Variants in EGFLAM observed in about 807,000 individuals in gnomAD.
EGFLAM encodes the protein pikachurin.
A neutral mutation model predicts 113.1 loss-of-function variants in EGFLAM; 79 were observed. That is an observed-to-expected ratio of 0.70 (90% CI 0.58 to 0.84). The LOEUF (loss-of-function observed/expected upper bound fraction) is 0.84, where lower values mean the gene tolerates loss of function less well. EGFLAM is among the 40% of genes least tolerant of loss of function. The pLI is 0.00. For synonymous variants in EGFLAM, 504 were observed against 487.6 expected (o/e 1.03, Z -0.44); for missense variants, 1,265 against 1,291.6 (o/e 0.98, Z 0.32).
At chr5:38,449,361 T>C (rs1355676824) in intron 18 of EGFLAM, among the ~76,000 whole-genome samples, 1 of 152,192 alleles carries the variant, frequency 6.6e-6, no homozygotes, top group Non-Finnish European at 1.5e-5. Flanking sequence ...AGGCAGACAC[T>C]GCTTCACTTC....
At chr5:38,412,103 T>A (rs1741499768) in intron 10 of EGFLAM, among the ~76,000 whole-genome samples, 1 of 152,214 alleles carries the variant, frequency 6.6e-6, no homozygotes, top group African/African-American at 2.4e-5. Flanking sequence ...CCTGGCCTAA[T>A]GTCAACTTTG....
At chr5:38,333,306 G>C (rs889575549) in intron 1 of EGFLAM, among the ~76,000 whole-genome samples, 6 of 152,050 alleles carry the variant, frequency 3.9e-5, no homozygotes, top group Admixed American at 3.9e-4. Flanking sequence ...TATTCCTCTG[G>C]GTGTATATCC....
intron 1 of EGFLAM, among the ~76,000 whole-genome samples, chr5:38,319,990 GCTGT>G (rs1454665988): frequency 2.0e-5 from 3 of 152,244 alleles, no homozygotes; most frequent in East Asian, 1.9e-4. Flanking sequence ...CTCCTAAGAG[GCTGT>G]CTATGTTGAA....
chr5:38,314,290 G>A (rs1738533578), intron 1 of EGFLAM, among the ~76,000 whole-genome samples: 1 of 152,140 alleles, frequency 6.6e-6, no homozygotes, highest in Non-Finnish European at 1.5e-5. Context: ...CATAAATTAA[G>A]TTTTTATACA....
intron 1 of EGFLAM, among the ~76,000 whole-genome samples, chr5:38,318,716 G>C (rs900119960): frequency 2.0e-5 from 3 of 152,010 alleles, no homozygotes; most frequent in African/African-American, 7.3e-5. Flanking sequence ...TATTGGCCAG[G>C]CTGGCTCGAA....
At chr5:38,382,922 C>T (rs1268541468) in intron 6 of EGFLAM, among the ~76,000 whole-genome samples, 1 of 152,190 alleles carries the variant, frequency 6.6e-6, no homozygotes, top group Non-Finnish European at 1.5e-5. Flanking sequence ...AATGTATCTC[C>T]CATCACTGAT....
chr5:38,401,618 A>T (rs1741115977), intron 6 of EGFLAM, among the ~76,000 whole-genome samples: 1 of 152,194 alleles, frequency 6.6e-6, no homozygotes, highest in Non-Finnish European at 1.5e-5. Flanking sequence ...CAAGGGCAGG[A>T]CATAGTTCAG....
chr5:38,463,097 T>C, intron 21 of EGFLAM, 86 bp downstream of exon 21: 2 of 1,321,408 alleles, frequency 1.5e-6, no homozygotes. Context: ...GCTATGTACT[T>C]TGCTGGATCA....
Position 38,258,618 on chromosome 5 carries a change from G to A in EGFLAM, c.-137G>A, listed in dbSNP as rs1757410357. On this transcript the variant is annotated 5_prime_UTR_variant, in exon 1 of 22. Transcript: ENST00000322350. Reference sequence around the variant, plus strand: ...CCTCTTGGAACTACCCGTGTTTCCGGGCCCAGCCCTCGCAGCCCCCCACCT... The same window carrying A: ...CCTCTTGGAACTACCCGTGTTTCCGAGCCCAGCCCTCGCAGCCCCCCACCT... The A allele has an allele frequency of 3.1e-6, 3 of 980,596 alleles. No individual in the cohort carries two copies. Among genetic ancestry groups the A allele is most frequent in the Middle Eastern group, 2.8e-4 (1 of 3,510 alleles). The allele number at this position is 980,596 out of a possible 1,614,324, so 60.7% of individuals were successfully genotyped here.
intron 6 of EGFLAM, among the ~76,000 whole-genome samples, chr5:38,385,965 C>T (rs1168854949): frequency 6.6e-6 from 1 of 152,162 alleles, no homozygotes; most frequent in Non-Finnish European, 1.5e-5. Context: ...GGCTACAAAC[C>T]TGAACAGAAT....
chr5:38,329,785 C>T (rs567488101), intron 1 of EGFLAM, among the ~76,000 whole-genome samples: 17 of 152,182 alleles, frequency 1.1e-4, no homozygotes, highest in Non-Finnish European at 2.4e-4. Flanking sequence ...CTATGGGCCA[C>T]TAAAGTGCTC....
intron 1 of EGFLAM, among the ~76,000 whole-genome samples, chr5:38,292,065 T>G (rs190399160): frequency 1.3e-5 from 2 of 152,328 alleles, no homozygotes; most frequent in Non-Finnish European, 2.9e-5. Flanking sequence ...TTTGAAATGC[T>G]GAGCCCAAGA....
intron 5 of EGFLAM, among the ~76,000 whole-genome samples, chr5:38,361,271 C>G (rs141124981): frequency 1.3e-5 from 2 of 152,250 alleles, no homozygotes; most frequent in Non-Finnish European, 2.9e-5. Context: ...GTGTCACTTC[C>G]TCCAGGAAGC....
chr5:38,374,900 T>A (rs933889715), intron 6 of EGFLAM, among the ~76,000 whole-genome samples: 2 of 152,210 alleles, frequency 1.3e-5, no homozygotes, highest in Admixed American at 1.3e-4. Context: ...TCTGTCATAA[T>A]TTTTGCAAAG....
intron 1 of EGFLAM, among the ~76,000 whole-genome samples, chr5:38,333,087 A>T (rs1335108184): frequency 2.0e-5 from 3 of 152,224 alleles, no homozygotes; most frequent in Non-Finnish European, 2.9e-5. Context: ...TTTGCTCAGG[A>T]TGATATCCTC....
At chr5:38,431,598 A>G (rs1307770383) in intron 15 of EGFLAM, among the ~76,000 whole-genome samples, 1 of 152,214 alleles carries the variant, frequency 6.6e-6, no homozygotes, top group Non-Finnish European at 1.5e-5. Context: ...TATCAGCTAC[A>G]GCAAGTAGTA....
rs767157059 is a variant in EGFLAM at position 38,258,751 on chromosome 5, C to A, written c.-4C>A. 3 of 1,608,192 alleles carry A rather than the reference C, an allele frequency of 1.9e-6. No homozygotes were observed. The highest frequency in any genetic ancestry group is 3.3e-4 in the Middle Eastern group (2 of 6,026). ...GGTGAAACTTTGCAGGCGCCGGCTGCGAAATGGATTTAATCCGAGGCGTCT... is the reference window on the plus strand; with the variant it reads ...GGTGAAACTTTGCAGGCGCCGGCTGAGAAATGGATTTAATCCGAGGCGTCT... On this transcript the variant is annotated 5_prime_UTR_variant, in exon 1 of 22. Coordinates refer to ENST00000322350, the MANE Select transcript of EGFLAM (RefSeq NM_152403.4).
At chr5:38,349,936 G>C (rs2932109) in intron 3 of EGFLAM, among the ~76,000 whole-genome samples, 150,036 of 150,468 alleles carry the variant, frequency 1, 74,804 homozygotes, top group Non-Finnish European at 1. Context: ...GCTCAGGGCC[G>C]TTTGTGCAGG....
chr5:38,280,338 T>C lies in EGFLAM; in HGVS notation c.97+21487T>C, dbSNP rs528762706. Among the ~76,000 whole-genome samples the C allele has an allele frequency of 2.6e-5, 4 of 152,374 alleles. No individual in the cohort carries two copies. In the East Asian group the frequency reaches 7.7e-4, roughly 29 times the overall value. On this transcript the variant is annotated intron_variant, in intron 1 of 21. Coordinates refer to ENST00000322350, the MANE Select transcript of EGFLAM (RefSeq NM_152403.4). ...GTCCTGCTCTTCACTCCACAGTTAC[T>C]GTCAGCTCTTCTCTGCCCTGCTCAG...
Sources: allele counts gnomAD v4.1 joint callset (sites outside exome capture counted in the v4.1 genomes callset), GRCh38; gene constraint gnomAD v4.1.1; transcripts MANE v1.5; gene names NCBI Gene and HGNC (gene_info 2026-07-23, HGNC 2026-07-21).